The following HDAC4 variants were observed in gnomAD, a reference collection of about 807,000 sequenced individuals.
HDAC4 encodes histone deacetylase A.
A neutral mutation model predicts 135.1 loss-of-function variants in HDAC4; 16 were observed. The observed-to-expected ratio is 0.12, with a 90% CI of 0.08 to 0.18. The LOEUF is 0.18. Among genes scored for constraint, HDAC4 ranks in the 10% least tolerant of loss-of-function variants. HDAC4 has a pLI of 1.00. For missense variants in HDAC4, 1,143 were observed against 1,511.8 expected (o/e 0.76, Z 4.05); for synonymous variants, 685 against 653.4 (o/e 1.05, Z -0.74).
chr2:239,329,222 G>A (rs10189520), intron 2 of HDAC4, among the ~76,000 whole-genome samples: 15,079 of 151,654 alleles, frequency 0.099, 1,315 homozygotes, highest in East Asian at 0.42. Context: ...AGGGGTCCAC[G>A]GGGACCCCAC....
chr2:239,318,559 C>T (rs2053196972), intron 2 of HDAC4, among the ~76,000 whole-genome samples: 1 of 151,982 alleles, frequency 6.6e-6, no homozygotes, highest in African/African-American at 2.4e-5. Flanking sequence ...AATGCCTGCT[C>T]GCTGTTATTT....
intron 2 of HDAC4, among the ~76,000 whole-genome samples, chr2:239,279,706 G>A (rs541808578): frequency 1.3e-5 from 2 of 152,288 alleles, no homozygotes; most frequent in African/African-American, 4.8e-5. Flanking sequence ...GGGGACCTGG[G>A]GACAAGAACC....
chr2:239,311,843 C>A (rs1280829322), intron 2 of HDAC4, among the ~76,000 whole-genome samples: 1 of 152,130 alleles, frequency 6.6e-6, no homozygotes, highest in African/African-American at 2.4e-5. Context: ...TGGACCGGAG[C>A]CAGCAGGGTC....
At chr2:239,133,079 G>A (rs1486960192) in intron 11 of HDAC4, among the ~76,000 whole-genome samples, 1 of 152,208 alleles carries the variant, frequency 6.6e-6, no homozygotes, top group East Asian at 1.9e-4. Context: ...CAAGCTTCTG[G>A]AGAAACAAAC....
chr2:239,312,106 T>C (rs1202387331), intron 2 of HDAC4, among the ~76,000 whole-genome samples: 1 of 152,168 alleles, frequency 6.6e-6, no homozygotes, highest in Admixed American at 6.5e-5. Flanking sequence ...GGCGCTGACA[T>C]CACTGTCACC....
At position 239,307,230 on chromosome 2, in the gene HDAC4, C is replaced by T. The variant is rs1205046572; in HGVS notation, c.22+45448G>A. On this transcript the variant is annotated intron_variant, in intron 2 of 26. Coordinates refer to ENST00000543185, the MANE Select transcript of HDAC4 (RefSeq NM_001378414.1). The surrounding 1 kb of genome is among the most constrained non-coding windows in gnomAD (Gnocchi z 4.8). ...CAGGGCCTGGGGCAGGCTCCGTGCC[C>T]CAATGGTCATCCTCAGATGAGTGGG... Among the ~76,000 whole-genome samples, 1 of 152,156 alleles carries T rather than the reference C, an allele frequency of 6.6e-6. No homozygotes were observed. Among genetic ancestry groups the T allele is most frequent in the Non-Finnish European group, 1.5e-5 (1 of 68,026 alleles).
chr2:239,374,680 G>C (rs1292178277), intron 1 of HDAC4, among the ~76,000 whole-genome samples: 1 of 152,126 alleles, frequency 6.6e-6, no homozygotes, highest in African/African-American at 2.4e-5. Context: ...TGGGATTACA[G>C]GCGTGAGCCA....
intron 9 of HDAC4, among the ~76,000 whole-genome samples, chr2:239,138,821 G>C (rs573103143): frequency 3.3e-5 from 5 of 152,354 alleles, no homozygotes; most frequent in African/African-American, 7.2e-5. Flanking sequence ...GTGGGATAAA[G>C]GCAGGGGGCG....
chr2:239,055,980 G>C (rs2031780011), intron 24 of HDAC4, among the ~76,000 whole-genome samples: 1 of 152,214 alleles, frequency 6.6e-6, no homozygotes, highest in African/African-American at 2.4e-5. Flanking sequence ...GAGGCCATGG[G>C]AAGGAGCGTT....
At chr2:239,056,974 G>GA (rs1231059028) in intron 24 of HDAC4, among the ~76,000 whole-genome samples, 1 of 152,086 alleles carries the variant, frequency 6.6e-6, no homozygotes, top group Non-Finnish European at 1.5e-5. Context: ...GAAAGACTGA[G>GA]AAAAAAGACA....
intron 22 of HDAC4, among the ~76,000 whole-genome samples, chr2:239,080,636 A>C (rs943578724): frequency 1.3e-5 from 2 of 152,244 alleles, no homozygotes; most frequent in Non-Finnish European, 2.9e-5. Flanking sequence ...AGCCACACGA[A>C]GGAAATGGGA....
At chr2:239,333,368 T>C (rs968375242) in intron 2 of HDAC4, among the ~76,000 whole-genome samples, 1 of 152,052 alleles carries the variant, frequency 6.6e-6, no homozygotes, top group African/African-American at 2.4e-5. Flanking sequence ...TACAGAAAAA[T>C]TTTGGCAATC....
intron 7 of HDAC4, 29 bp downstream of exon 7, chr2:239,156,623 C>G (rs201704606): frequency 6.2e-7 from 1 of 1,613,958 alleles, no homozygotes; most frequent in Non-Finnish European, 8.5e-7. Flanking sequence ...CAGGAGACCT[C>G]CCGGCCCACA....
At chr2:239,385,367 C>T (rs1243190232) in intron 1 of HDAC4, among the ~76,000 whole-genome samples, 2 of 152,216 alleles carry the variant, frequency 1.3e-5, no homozygotes, top group Non-Finnish European at 2.9e-5. Context: ...CGGGGGCCTC[C>T]GGGTCACCTC....
At chr2:239,089,135 A>G (rs1353257100) in intron 18 of HDAC4, among the ~76,000 whole-genome samples, 1 of 152,172 alleles carries the variant, frequency 6.6e-6, no homozygotes, top group Non-Finnish European at 1.5e-5. Flanking sequence ...ATACTGTCAA[A>G]GAATACCCAC....
chr2:239,391,613 T>C (rs1280993260), intron 1 of HDAC4, among the ~76,000 whole-genome samples: 4 of 152,204 alleles, frequency 2.6e-5, no homozygotes, highest in Admixed American at 6.5e-5. Flanking sequence ...ACTGAGGTGA[T>C]GGGGTCATGA....
Position 239,082,746 on chromosome 2 carries a change from G to A in HDAC4, c.2533-525C>T, listed in dbSNP as rs1053247062. 7.2e-5 allele frequency among the ~76,000 whole-genome samples: 11 copies of A among 152,264 alleles called. No individual in the cohort carries two copies. In the East Asian group the frequency reaches 9.6e-4, roughly 13 times the overall value. The stretch of plus-strand genomic sequence containing the variant: ...CGTGAGTGACAGGCACACACAGTAC[G>A]GGGTCCAGGCCCCTGTGCCCAAATG... On this transcript the variant is annotated intron_variant, in intron 20 of 26. Coordinates refer to ENST00000543185, the MANE Select transcript of HDAC4 (RefSeq NM_001378414.1).
At chr2:239,259,795 T>C (rs773742376) in intron 2 of HDAC4, among the ~76,000 whole-genome samples, 3 of 152,216 alleles carry the variant, frequency 2.0e-5, no homozygotes, top group Non-Finnish European at 4.4e-5. Context: ...AGGAGTTTCT[T>C]CTCAGCCCAG....
Position 239,198,559 on chromosome 2 carries a change from C to T in HDAC4, c.95-8482G>A, listed in dbSNP as rs60788075. ...GCTTGCTCCTGTCCCCATGCAGAGG[C>T]GCTCAGGATCATAGTCGCTGGAGAG... On this transcript the variant is annotated intron_variant, in intron 3 of 26. Transcript: ENST00000543185. Among the ~76,000 whole-genome samples, 1,271 of 152,270 alleles carry T rather than the reference C, an allele frequency of 8.3e-3. 55 individuals carry two copies. Among genetic ancestry groups the T allele is most frequent in the Admixed American group, 0.054 (828 of 15,304 alleles).
Sources: allele counts gnomAD v4.1 joint callset (sites outside exome capture counted in the v4.1 genomes callset), GRCh38; gene constraint gnomAD v4.1.1; non-coding constraint Gnocchi (gnomAD v3.1); transcripts MANE v1.5; gene names NCBI Gene and HGNC (gene_info 2026-07-23, HGNC 2026-07-21).